Variants in ARHGEF12 observed in about 807,000 individuals in gnomAD.
ARHGEF12 encodes the protein KMT2A/ARHGEF12 fusion protein.
ARHGEF12 carries 66 observed loss-of-function variants against 211.2 expected under a neutral mutation model. That is an observed-to-expected ratio of 0.31 (90% CI 0.26 to 0.38). The LOEUF (loss-of-function observed/expected upper bound fraction) is 0.38. ARHGEF12 is among the 10% of genes least tolerant of loss of function. ARHGEF12 has a pLI of 1.00. For missense variants in ARHGEF12, 1,429 were observed against 1,869.5 expected (o/e 0.76, Z 4.34); for synonymous variants, 592 against 638.4 (o/e 0.93, Z 1.09).
At position 120,428,329 on chromosome 11, in the gene ARHGEF12, G is replaced by A. The variant is rs991114477; in HGVS notation, c.585+82G>A. On this transcript the variant is annotated intron_variant, in intron 8 of 40. Coordinates refer to ENST00000397843, the MANE Select transcript of ARHGEF12 (RefSeq NM_015313.3). ...TTATATGGAGAGTTTTCAAGTATTC[G>A]GCTGATGAACTAATTAAATTTAAGA... 8.4e-6 allele frequency: 10 copies of A among 1,193,850 alleles called. No individual in the cohort carries two copies. In the African/African-American group the frequency reaches 9.4e-5, roughly 11 times the overall value. The allele number at this position is 1,193,850 out of a possible 1,614,324, so 74.0% of individuals were successfully genotyped here. A position where few individuals can be genotyped will look rare whatever the true frequency, so the allele number is the denominator to read the frequency against.
rs548153047 is a variant in ARHGEF12 at position 120,409,382 on chromosome 11, G to A, written c.143-12G>A. ...TTCTATATCTCTCTCCTTTTCTCCC[G>A]CTCTTGTGCAGATAGCTCCTCCAAG... On this transcript the variant is annotated splice_polypyrimidine_tract_variant and intron_variant, in intron 3 of 40. Coordinates refer to ENST00000397843, the MANE Select transcript of ARHGEF12 (RefSeq NM_015313.3). 7.7e-5 allele frequency: 124 copies of A among 1,609,188 alleles called. 1 individual carries two copies. Among genetic ancestry groups the A allele is most frequent in the South Asian group, 5.6e-4 (51 of 90,358 alleles).
intron 1 of ARHGEF12, among the ~76,000 whole-genome samples, chr11:120,405,294 G>A (rs1016433668): frequency 6.6e-6 from 1 of 152,010 alleles, no homozygotes; most frequent in African/African-American, 2.4e-5. Flanking sequence ...TAATTTAAAA[G>A]ACAGAAATCA....
chr11:120,345,560 G>A (rs991406084), intron 1 of ARHGEF12, among the ~76,000 whole-genome samples: 6 of 152,036 alleles, frequency 3.9e-5, no homozygotes, highest in Admixed American at 6.6e-5. Flanking sequence ...AAAATTAGCC[G>A]AGTGTGGTGG....
At chr11:120,477,879 A>G (rs944441039) in intron 36 of ARHGEF12, among the ~76,000 whole-genome samples, 10 of 148,942 alleles carry the variant, frequency 6.7e-5, no homozygotes, top group Non-Finnish European at 1.2e-4. Flanking sequence ...AAAAAAGAAA[A>G]AAAGAAAAAA....
At chr11:120,441,861 A>G (rs775417362) in intron 14 of ARHGEF12, 44 bp downstream of exon 14, 1 of 1,553,966 alleles carries the variant, frequency 6.4e-7, no homozygotes, top group Non-Finnish European at 8.9e-7. Flanking sequence ...TCTTCTGTTG[A>G]TTCATGTGCC....
In ARHGEF12 at chr11:120,429,475, A is replaced by G; in HGVS notation, c.621A>G (p.Glu207=). ...ENNVVHNQKV[E]ILRKMLQKEQ... Reference sequence around the variant, plus strand: ...ATGTGGTTCATAACCAGAAAGTAGAAATTCTGAGAAAAATGTTACAGAAAG... The same window carrying G: ...ATGTGGTTCATAACCAGAAAGTAGAGATTCTGAGAAAAATGTTACAGAAAG... The change falls in exon 9 of 41, where the codon GAA becomes GAG. Residue 207 remains glutamate (E), a synonymous_variant. Coordinates refer to ENST00000397843, the MANE Select transcript of ARHGEF12 (RefSeq NM_015313.3). 1 of 1,613,864 alleles carries G rather than the reference A, an allele frequency of 6.2e-7. No individual in the cohort carries two copies. The highest frequency in any genetic ancestry group is 1.1e-5 in the South Asian group (1 of 91,008).
intron 8 of ARHGEF12, among the ~76,000 whole-genome samples, chr11:120,428,521 A>G (rs1403373091): frequency 6.6e-6 from 1 of 152,232 alleles, no homozygotes; most frequent in Non-Finnish European, 1.5e-5. Context: ...TAGTCATCTT[A>G]GAATGTGTAC....
At chr11:120,344,190 C>G (rs940888816) in intron 1 of ARHGEF12, among the ~76,000 whole-genome samples, 1 of 141,622 alleles carries the variant, frequency 7.1e-6, no homozygotes, top group Non-Finnish European at 1.5e-5. Context: ...CACTTGAACC[C>G]GGGAGGCGGA....
chr11:120,410,899 C>T (rs923349055), intron 4 of ARHGEF12: 4 of 152,176 alleles, frequency 2.6e-5, no homozygotes, highest in African/African-American at 7.2e-5. Flanking sequence ...TCCTTAGGAA[C>T]ATGAACATTA....
chr11:120,453,468 CCAGAACTT>C lies in ARHGEF12; in HGVS notation c.2056+1745_2056+1752del. ...GGCATGGTGGCTTACTCCTGTAATCCCAGAACTTTGGGAGGCTGAGGCAGGAGGATTGC... is the reference window on the plus strand; with the variant it reads ...GGCATGGTGGCTTACTCCTGTAATCCTGGGAGGCTGAGGCAGGAGGATTGC... On this transcript the variant is annotated intron_variant, in intron 22 of 40. Coordinates refer to ENST00000397843, the MANE Select transcript of ARHGEF12 (RefSeq NM_015313.3). Among the ~76,000 whole-genome samples, 5 of 152,112 alleles carry C rather than the reference CCAGAACTT, an allele frequency of 3.3e-5. No individual in the cohort carries two copies. In the East Asian group the frequency reaches 9.7e-4, roughly 29 times the overall value.
Position 120,484,462 on chromosome 11 carries a change from C to T in ARHGEF12, c.4579C>T (p.Leu1527Phe), listed in dbSNP as rs893148311. The T allele has an allele frequency of 6.8e-6, 11 of 1,613,920 alleles. No homozygotes were observed. The Admixed American group carries it at 1.0e-4, about 15-fold the overall frequency. ...GAAGGTGGAGGAAAGTTACACCATT[C>T]TTTGCCAAAGGCTGGCTGGATCAGC... ...LKKVEESYTILCQRLAGSALT... is the reference protein window; with the variant it reads ...LKKVEESYTIFCQRLAGSALT... The change falls in exon 40 of 41, where the codon CTT (leucine) becomes TTT (phenylalanine). Residue 1527 changes from leucine (L) to phenylalanine (F), a missense_variant. Physicochemically the swap from Leu to Phe is conservative, Grantham distance 22. Transcript: ENST00000397843.
At chr11:120,363,365 A>G (rs918580201) in intron 1 of ARHGEF12, among the ~76,000 whole-genome samples, 13 of 152,320 alleles carry the variant, frequency 8.5e-5, no homozygotes, top group African/African-American at 2.9e-4. Context: ...ACAATAACCA[A>G]GTTACAAGTG....
At position 120,451,739 on chromosome 11, in the gene ARHGEF12, T is replaced by C; in HGVS notation, c.2056+15T>C. ...GAATGATACAGGTGAGCTATTACTG[T>C]AGTTCAGCTTAACTAAGCATCAAGA... On this transcript the variant is annotated intron_variant, in intron 22 of 40. Coordinates refer to ENST00000397843, the MANE Select transcript of ARHGEF12 (RefSeq NM_015313.3). The C allele has an allele frequency of 1.2e-6, 2 of 1,605,858 alleles. No individual in the cohort carries two copies. Among genetic ancestry groups the C allele is most frequent in the South Asian group, 2.2e-5 (2 of 90,036 alleles).
chr11:120,481,624 A>C, intron 39 of ARHGEF12, 48 bp downstream of exon 39: 1 of 1,557,816 alleles, frequency 6.4e-7, no homozygotes, highest in South Asian at 1.1e-5. Context: ...AGAAACATTT[A>C]GCAGAGGGGA....
In ARHGEF12 at chr11:120,469,403, C is replaced by T. The variant is rs760563058; in HGVS notation, c.2955+15C>T. ...AAAACAAGCAGGTAAAAAAGGAAAA[C>T]AAGAAGGTACAGGATGACATTGGGA... is the stretch of plus-strand genomic sequence containing the variant. On this transcript the variant is annotated intron_variant, in intron 30 of 40. Transcript: ENST00000397843. 25 of 1,577,032 alleles carry T rather than the reference C, an allele frequency of 1.6e-5. No individual in the cohort carries two copies. In the South Asian group the frequency reaches 2.6e-4, roughly 16 times the overall value.
rs571382324 is a variant in ARHGEF12 at position 120,394,925 on chromosome 11, C to T, written c.33-11193C>T. On this transcript the variant is annotated intron_variant, in intron 1 of 40. Transcript: ENST00000397843. ...ATACAAACATCAGCCGGCATTGTGG[C>T]GCGAACCTGTAATCCCAGCTACCTG... 8.6e-5 allele frequency among the ~76,000 whole-genome samples: 13 copies of T among 151,572 alleles called. No individual in the cohort carries two copies. In the South Asian group the frequency reaches 1.3e-3, roughly 15 times the overall value.
intron 4 of ARHGEF12, among the ~76,000 whole-genome samples, chr11:120,416,848 C>T (rs957761552): frequency 3.9e-5 from 6 of 152,152 alleles, no homozygotes; most frequent in African/African-American, 1.2e-4. Flanking sequence ...GACAGGGTTT[C>T]ACCATGTTGG....
At chr11:120,382,481 T>C (rs1211380091) in intron 1 of ARHGEF12, among the ~76,000 whole-genome samples, 1 of 152,230 alleles carries the variant, frequency 6.6e-6, no homozygotes, top group Admixed American at 6.5e-5. Flanking sequence ...ACAGTGCTGT[T>C]TAGGAACCTT....
At chr11:120,375,612 G>A (rs966978542) in intron 1 of ARHGEF12, among the ~76,000 whole-genome samples, 1 of 150,358 alleles carries the variant, frequency 6.7e-6, no homozygotes, top group African/African-American at 2.4e-5. Context: ...TGCCGAAAAT[G>A]AGAAGCTAGA....
Sources: gnomAD v4.1 joint callset for allele counts (sites outside exome capture counted in the v4.1 genomes callset) on GRCh38, gnomAD v4.1.1 for gene constraint, MANE v1.5 for transcripts, NCBI Gene and HGNC (gene_info 2026-07-23, HGNC 2026-07-21) for gene names.